The following RAD52 variants were observed in gnomAD, a reference collection of about 807,000 sequenced individuals.
RAD52 encodes the protein DNA repair protein RAD52 homolog.
Under a neutral mutation model 55.5 loss-of-function variants are expected in RAD52, and 47 were observed. That is an observed-to-expected ratio of 0.85 (90% CI 0.67 to 1.08). The LOEUF is 1.08. Ranked by LOEUF, RAD52 falls within the 50% of genes least tolerant of loss-of-function variation. The probability of loss-of-function intolerance (pLI) is 0.00; values close to 1 mark genes in which losing one functional copy is unlikely to be tolerated. For synonymous variants in RAD52, 184 were observed against 198.9 expected, an observed-to-expected ratio of 0.92 and a Z score of 0.63; for missense variants, 468 against 522.8, an observed-to-expected ratio of 0.90 and a Z score of 1.02.
chr12:916,869 C>T (rs749791878), intron 7 of RAD52, 49 bp from the exon 8 acceptor site: 25 of 1,567,752 alleles, frequency 1.6e-5, no homozygotes, highest in East Asian at 1.1e-4. Flanking sequence ...TCTTGCCCTC[C>T]GCTGCTTCTC....
At chr12:965,839 A>G (rs1163682890) in intron 1 of RAD52, among the ~76,000 whole-genome samples, 1 of 151,772 alleles carries the variant, frequency 6.6e-6, no homozygotes, top group African/African-American at 2.4e-5. Context: ...CATATGCACC[A>G]CCACACCTGG....
chr12:947,389 T>C (rs1298488755), intron 1 of RAD52, among the ~76,000 whole-genome samples: 11 of 151,624 alleles, frequency 7.3e-5, no homozygotes, highest in Admixed American at 5.3e-4. Flanking sequence ...GGCTCACACC[T>C]GTAATCCCAG....
At chr12:939,078 GTGTGTGT>G (rs1291195427) in intron 1 of RAD52, among the ~76,000 whole-genome samples, 3 of 125,202 alleles carry the variant, frequency 2.4e-5, no homozygotes, top group South Asian at 2.6e-4. Context: ...GTGTGTGTGT[GTGTGTGT>G]AGAGAGAGAG....
rs1201177909 is a variant in RAD52 at position 985,088 on chromosome 12, C to T, written c.-19+4721G>A. On this transcript the variant is annotated intron_variant, in intron 1 of 11. Coordinates refer to the RAD52 transcript ENST00000430095. ...CCCCCCAAAGTGCTGGGATTACAGG[C>T]GTGAGCCACCATGCCTGGCCAATAC... 4.6e-5 allele frequency among the ~76,000 whole-genome samples: 7 copies of T among 152,208 alleles called. No individual in the cohort carries two copies. In the East Asian group the frequency reaches 5.8e-4, roughly 13 times the overall value.
intron 7 of RAD52, among the ~76,000 whole-genome samples, chr12:920,661 G>C (rs929171943): frequency 1.3e-5 from 2 of 151,868 alleles, no homozygotes; most frequent in Non-Finnish European, 2.9e-5. Flanking sequence ...CAAACTTTGA[G>C]AGGATTGTAA....
intron 1 of RAD52, among the ~76,000 whole-genome samples, chr12:988,765 T>G (rs1298853523): frequency 6.6e-6 from 1 of 152,150 alleles, no homozygotes; most frequent in African/African-American, 2.4e-5. Flanking sequence ...ATAACCAACA[T>G]AGTTTCGCAA....
intron 1 of RAD52, among the ~76,000 whole-genome samples, chr12:943,575 C>A (rs1043642357): frequency 6.6e-6 from 1 of 152,158 alleles, no homozygotes; most frequent in Non-Finnish European, 1.5e-5. Flanking sequence ...TCTCGAACTC[C>A]TGAGCTCAAG....
rs200064651 is a variant in RAD52, at chr12:926,085, G to T, written c.468-560C>A. Among the ~76,000 whole-genome samples the T allele has an allele frequency of 2.6e-5, 4 of 152,232 alleles. No individual in the cohort carries two copies. In the East Asian group the frequency reaches 7.7e-4, roughly 29 times the overall value. On this transcript the variant is annotated intron_variant, in intron 6 of 11. Transcript: ENST00000358495. ...TGAAACGTGACCTCCAATGCCGGGG[G>T]GTGCGGCCTGGTGGGAGGTACTGGA...
intron 1 of RAD52, among the ~76,000 whole-genome samples, chr12:963,871 G>A (rs1448244696): frequency 3.3e-5 from 5 of 152,080 alleles, no homozygotes; most frequent in East Asian, 1.9e-4. Context: ...CTAGAGTGAC[G>A]AGGGCAGCGG....
chr12:976,952 G>C (rs1420610601), intron 1 of RAD52: 1 of 152,210 alleles, frequency 6.6e-6, no homozygotes, highest in Non-Finnish European at 1.5e-5. Context: ...CTGAGACAAG[G>C]GTTCAAGTAC....
rs750408741 is a variant in RAD52 at position 926,878 on chromosome 12, G to A, written c.467+267C>T. On this transcript the variant is annotated intron_variant, in intron 6 of 11. Transcript: ENST00000358495. ...CGCAGTAGGAGTGGGAAGGCCTCCG[G>A]CACACATGACTGAGTGCACGGAGAA... The A allele has an allele frequency of 1.1e-5, 17 of 1,536,372 alleles. No homozygotes were observed. In the South Asian group the frequency reaches 1.9e-4, roughly 17 times the overall value.
At chr12:942,642 G>C (rs930670554) in intron 1 of RAD52, among the ~76,000 whole-genome samples, 4 of 151,980 alleles carry the variant, frequency 2.6e-5, no homozygotes, top group African/African-American at 9.7e-5. Context: ...AGCTACTCGG[G>C]AGGCTGGGGC....
chr12:916,682 G>A lies in RAD52; in HGVS notation c.682C>T (p.Pro228Ser), dbSNP rs765715916. The A allele has an allele frequency of 6.2e-7, 1 of 1,614,128 alleles. No homozygotes were observed. The highest frequency in any genetic ancestry group is 1.1e-5 in the South Asian group (1 of 91,082). ...QLQQVTSPSR[P>S]SHAVIPADQD... ...TCCGCCGGTATCACAGCATGGCTGG[G>A]TCTGGAAGGGGAGGTCACCTGCTGC... The change falls in exon 8 of 12, where the codon CCC becomes TCC. Residue 228 changes from proline (P) to serine (S), a missense_variant. Physicochemically the swap from Pro to Ser is moderately conservative, Grantham distance 74 (BLOSUM62 -1). Transcript: ENST00000358495.
intron 1 of RAD52, among the ~76,000 whole-genome samples, chr12:969,479 T>C (rs1958812321): frequency 6.6e-6 from 1 of 152,018 alleles, no homozygotes; most frequent in Non-Finnish European, 1.5e-5. Flanking sequence ...CATTTGACCA[T>C]AGTTGTTCTC....
chr12:990,289 T>C (rs1959169283), upstream of RAD52: 1 of 152,064 alleles, frequency 6.6e-6, no homozygotes, highest in Non-Finnish European at 1.5e-5. Flanking sequence ...ATTCTTACTT[T>C]CTTGGTTTAG....
intron 9 of RAD52, 109 bp from the exon 10 acceptor site, chr12:914,641 A>G: frequency 1.5e-6 from 2 of 1,328,294 alleles, no homozygotes; most frequent in Admixed American, 4.6e-5. Context: ...TCCGAAGCAC[A>G]ACACCGCTTA....
intron 1 of RAD52, among the ~76,000 whole-genome samples, chr12:978,523 G>A (rs983752637): frequency 3.3e-5 from 5 of 152,082 alleles, no homozygotes; most frequent in East Asian, 1.9e-4. Context: ...TAAACTGGCC[G>A]GGTGAGGTGG....
rs1484573256 is a variant in RAD52, at chr12:920,068, T to A, written c.544-3248A>T. Among the ~76,000 whole-genome samples, 3 of 111,168 alleles carry A rather than the reference T, an allele frequency of 2.7e-5. 1 individual carries two copies. The highest frequency in any genetic ancestry group is 1.1e-4 in the African/African-American group (3 of 26,486). 72.9% of individuals were successfully genotyped at this position (111,168 alleles called of 152,430 possible). ...AACTCTGTCTCAAAAAAAAAAAAAA[T>A]TAGCCGGGCATGGTAGCACGCACCT... On this transcript the variant is annotated intron_variant, in intron 7 of 11. Coordinates refer to ENST00000358495, the MANE Select transcript of RAD52 (RefSeq NM_134424.4).
chr12:978,481 C>T (rs1958964098), intron 1 of RAD52, among the ~76,000 whole-genome samples: 1 of 152,154 alleles, frequency 6.6e-6, no homozygotes, highest in African/African-American at 2.4e-5. Context: ...TCATTTGCTT[C>T]ATCATTTTTG....
Sources: gnomAD v4.1 joint callset for allele counts (sites outside exome capture counted in the v4.1 genomes callset) on GRCh38, gnomAD v4.1.1 for gene constraint, MANE v1.5 for transcripts, NCBI Gene and HGNC (gene_info 2026-07-23, HGNC 2026-07-21) for gene names.